TAF6: variants seen among roughly 807,000 people sequenced by gnomAD.
TAF6 encodes TATA-box binding protein associated factor 6, also known as transcription initiation factor TFIID subunit 6.
Under a neutral mutation model 73.5 loss-of-function variants are expected in TAF6, and 50 were observed. The ratio of observed to expected loss-of-function variants is 0.68; its 90% CI spans 0.54 to 0.86. TAF6 has a LOEUF of 0.86. Among genes scored for constraint, TAF6 ranks in the 40% least tolerant of loss-of-function variants. The pLI is 0.00. For missense variants in TAF6, 768 were observed against 899.5 expected, an observed-to-expected ratio of 0.85 and a Z score of 1.87; for synonymous variants, 424 against 376.7, an observed-to-expected ratio of 1.13 and a Z score of -1.45.
In TAF6 at chr7:100,110,979, CA is replaced by C. The variant is rs11367015; in HGVS notation, c.1083+159del. ...CCTGGGCAAGAGCGAGACTCCATCT[CA>C]AAAAAAAAAAAAAAAGGTATTACAG... On this transcript the variant is annotated intron_variant, in intron 10 of 14. Transcript: ENST00000453269. Among the ~76,000 whole-genome samples, 77,286 of 129,714 alleles carry C rather than the reference CA, an allele frequency of 0.6. 21,525 individuals carry two copies. The highest frequency in any genetic ancestry group is 0.85 in the East Asian group (3,884 of 4,558). 85.1% of individuals were successfully genotyped at this position (129,714 alleles called of 152,430 possible).
At chr7:100,118,657 A>T in intron 1 of TAF6, 1 of 174,818 alleles carries the variant, frequency 5.7e-6, no homozygotes, top group Non-Finnish European at 1.1e-5. Context: ...ACCCTGTCTC[A>T]AAAAAAAAAC....
At chr7:100,116,185 T>TC in intron 1 of TAF6, among the ~76,000 whole-genome samples, 1 of 152,274 alleles carries the variant, frequency 6.6e-6, no homozygotes, top group South Asian at 2.1e-4. Flanking sequence ...GCTCAAACCC[T>TC]CATAATGGCT....
chr7:100,121,112 ATATATTTTTTTTTTTTTTTTT>A (rs1397727703), upstream of TAF6: 4 of 30,706 alleles, frequency 1.3e-4, no homozygotes, highest in Non-Finnish European at 2.3e-4. Flanking sequence ...ATATATATAT[ATATATTTTTTTTTTTTTTTTT>A]TTTTTTTTTT....
intron 6 of TAF6, 58 bp from the exon 7 acceptor site, chr7:100,112,311 A>G: frequency 1.9e-6 from 3 of 1,577,664 alleles, no homozygotes; most frequent in South Asian, 2.3e-5. Context: ...CCTCAGTAAC[A>G]GAAGAACCTT....
Position 100,112,194 on chromosome 7 carries a change from T to C in TAF6, c.634A>G (p.Ser212Gly), listed in dbSNP as rs1308186522. Residue 212 changes from serine (S) to glycine (G), a missense_variant, in exon 7 of 15, where the codon AGC (serine) becomes GGC (glycine). By Grantham distance (56) the Ser-to-Gly change is moderately conservative. Coordinates refer to ENST00000453269, the MANE Select transcript of TAF6 (RefSeq NM_139315.3). ...EGAPLRLKPR[S>G]IHELSVEQQL... Reference sequence around the variant, plus strand: ...TGCTCCACAGACAACTCGTGGATGCTCCGGGGCTTCAGTCGCAAGGGGGCC... The same window carrying C: ...TGCTCCACAGACAACTCGTGGATGCCCCGGGGCTTCAGTCGCAAGGGGGCC... 1 of 1,614,154 alleles carries C rather than the reference T, an allele frequency of 6.2e-7. No homozygotes were observed. The highest frequency in any genetic ancestry group is 8.5e-7 in the Non-Finnish European group (1 of 1,180,020).
intron 12 of TAF6, 148 bp downstream of exon 12, chr7:100,109,800 C>T: frequency 5.5e-6 from 7 of 1,261,318 alleles, no homozygotes; most frequent in East Asian, 2.5e-5. Context: ...TAATCTCAGT[C>T]TTTCCATCTG....
upstream of TAF6, chr7:100,119,558 G>A: frequency 3.6e-6 from 5 of 1,399,802 alleles, no homozygotes; most frequent in Non-Finnish European, 4.8e-6. Flanking sequence ...TTCAAGAGGC[G>A]CCACAAAACG....
intron 2 of TAF6, 33 bp downstream of exon 2, chr7:100,114,021 C>G: frequency 1.2e-6 from 2 of 1,613,996 alleles, no homozygotes; most frequent in Non-Finnish European, 8.5e-7. Context: ...TGACATGGAC[C>G]CAATGTAGAG....
intron 10 of TAF6, 138 bp from the exon 11 acceptor site, chr7:100,110,412 A>G: frequency 1.1e-6 from 1 of 917,900 alleles, no homozygotes. Context: ...CACACCTGTA[A>G]TCCCAGCACT....
intron 9 of TAF6, 72 bp downstream of exon 9, chr7:100,111,656 T>A (rs1055215561): frequency 2.0e-6 from 3 of 1,509,176 alleles, no homozygotes; most frequent in African/African-American, 2.7e-5. Context: ...GAGCCACTGC[T>A]GACCACTGAC....
At chr7:100,119,959 C>G (rs1797981653), upstream of TAF6, 4 of 1,120,698 alleles carry the variant, frequency 3.6e-6, no homozygotes, top group Admixed American at 6.1e-5. Context: ...CACCCGACCT[C>G]CTTGAAGGCT....
Position 100,114,077 on chromosome 7 carries a change from A to G in TAF6, c.133T>C (p.Tyr45His). The change falls in exon 2 of 15, where the codon TAC becomes CAC. Residue 45 changes from tyrosine (Y) to histidine (H), a missense_variant. Transcript: ENST00000453269. ...ACCTGTGCGATCTCTTTGATGCGGT[A>G]GCTGACCTCATCCGTTAGCAGCTGG... Reference protein sequence around the residue: ...TCQLLTDEVSYRIKEIAQDAL... With the variant: ...TCQLLTDEVSHRIKEIAQDAL... The G allele has an allele frequency of 6.2e-7, 1 of 1,614,208 alleles. No individual in the cohort carries two copies. Among genetic ancestry groups the G allele is most frequent in the Non-Finnish European group, 8.5e-7 (1 of 1,180,038 alleles).
chr7:100,109,945 C>A lies in TAF6; in HGVS notation c.1284+3G>T. On this transcript the variant is annotated splice_donor_region_variant and intron_variant, in intron 12 of 14. Coordinates refer to ENST00000453269, the MANE Select transcript of TAF6 (RefSeq NM_139315.3). ...CAGGTGTGGGGACAGGGGCTTCAGT[C>A]ACCAGCAGGAGGCTCTGCACATGGT... is the stretch of plus-strand genomic sequence containing the variant. 1.2e-6 allele frequency: 2 copies of A among 1,613,994 alleles called. No homozygotes were observed. The highest frequency in any genetic ancestry group is 2.2e-5 in the South Asian group (2 of 91,040).
chr7:100,109,971 C>A lies in TAF6; in HGVS notation c.1261G>T (p.Asp421Tyr). ...ACCAGCAGGAGGCTCTGCACATGGT[C>A]TGCTCCAATCCGGTCAATGTTGCTC... ...VLSNIDRIGADHVQSLLLKHC... is the reference protein window; with the variant it reads ...VLSNIDRIGAYHVQSLLLKHC... Residue 421 changes from aspartate to tyrosine, a missense_variant, in exon 12 of 15, where the codon GAC (aspartate) becomes TAC (tyrosine). Coordinates refer to ENST00000453269, the MANE Select transcript of TAF6 (RefSeq NM_139315.3). The A allele has an allele frequency of 6.2e-7, 1 of 1,614,182 alleles. No individual in the cohort carries two copies. Among genetic ancestry groups the A allele is most frequent in the Non-Finnish European group, 8.5e-7 (1 of 1,180,040 alleles).
upstream of TAF6, among the ~76,000 whole-genome samples, chr7:100,120,962 A>G (rs1798021310): frequency 1.3e-5 from 2 of 151,782 alleles, no homozygotes; most frequent in Admixed American, 1.3e-4. Context: ...AGCTCAATAA[A>G]TAACTGCAGG....
At chr7:100,109,831 C>T in intron 12 of TAF6, 117 bp downstream of exon 12, 1 of 1,465,706 alleles carries the variant, frequency 6.8e-7, no homozygotes, top group Non-Finnish European at 9.2e-7. Flanking sequence ...TCAGACTCTG[C>T]AATGTCCTCT....
At chr7:100,112,077 C>T in intron 7 of TAF6, 31 bp downstream of exon 7, 2 of 1,613,506 alleles carry the variant, frequency 1.2e-6, no homozygotes, top group African/African-American at 2.7e-5. Context: ...GGAGGCGTCT[C>T]AGGGCCAGGG....
Position 100,111,709 on chromosome 7 carries a change from G to A in TAF6, c.900+19C>T. On this transcript the variant is annotated intron_variant, in intron 9 of 14. Coordinates refer to ENST00000453269, the MANE Select transcript of TAF6 (RefSeq NM_139315.3). The stretch of plus-strand genomic sequence containing the variant: ...AGGGTCCCTAGTCCCTGGAAGGGAG[G>A]ATGGGCAGGATCACTCACGTATTTT... The A allele has an allele frequency of 2.5e-6, 4 of 1,612,480 alleles. No homozygotes were observed. Among genetic ancestry groups the A allele is most frequent in the East Asian group, 2.2e-5 (1 of 44,880 alleles).
At chr7:100,108,565 TAGAG>T (rs766146041) in intron 12 of TAF6, 25 bp from the exon 13 acceptor site, 75 of 1,573,426 alleles carry the variant, frequency 4.8e-5, no homozygotes, top group African/African-American at 2.2e-4. Context: ...AAAAGCCAGG[TAGAG>T]GGAGGGCTGG....
Sources: gnomAD v4.1 joint callset for allele counts (sites outside exome capture counted in the v4.1 genomes callset) on GRCh38, gnomAD v4.1.1 for gene constraint, MANE v1.5 for transcripts, NCBI Gene and HGNC (gene_info 2026-07-23, HGNC 2026-07-21) for gene names.